Variants in CTBP2 observed in about 807,000 individuals in gnomAD.
The protein encoded by CTBP2 is C-terminal binding protein 2, also known as C-terminal-binding protein 2.
In CTBP2, 30 loss-of-function variants were observed where a neutral mutation model predicts 80.3. The observed-to-expected ratio is 0.37, with a 90% confidence interval of 0.28 to 0.51. The LOEUF (loss-of-function observed/expected upper bound fraction) is 0.51, where lower values mean the gene tolerates loss of function less well. CTBP2 is among the 20% of genes least tolerant of loss of function. The pLI, the probability that CTBP2 is intolerant of heterozygous loss-of-function variation, is 0.93. For synonymous variants in CTBP2, 594 were observed against 587.4 expected (o/e 1.01, Z -0.16); for missense variants, 1,212 against 1,375.3 (o/e 0.88, Z 1.88).
intron 1 of CTBP2, among the ~76,000 whole-genome samples, chr10:125,137,137 G>A (rs899722579): frequency 3.3e-5 from 5 of 152,122 alleles, no homozygotes; most frequent in African/African-American, 9.7e-5. Context: ...ATCACAATTC[G>A]CCAAGATACT....
chr10:125,000,128 C>A (rs1316562209), intron 3 of CTBP2: 2 of 152,334 alleles, frequency 1.3e-5, no homozygotes, highest in Non-Finnish European at 2.9e-5. Context: ...CGTGGTTCCA[C>A]TGCTCACCGG....
At chr10:125,100,252 G>GA (rs972157838) in intron 2 of CTBP2, among the ~76,000 whole-genome samples, 14 of 152,162 alleles carry the variant, frequency 9.2e-5, no homozygotes, top group African/African-American at 3.4e-4. Context: ...AGACAACAGT[G>GA]AAAAAAATGG....
At chr10:124,992,674 A>G (rs769009810) in intron 8 of CTBP2, 21 bp downstream of exon 10, 4 of 1,574,496 alleles carry the variant, frequency 2.5e-6, no homozygotes, top group Non-Finnish European at 3.5e-6. Context: ...AAGCTGAGAC[A>G]AAGTCAGTTC....
In CTBP2 at chr10:124,988,347, CT is replaced by C. The variant is rs1197490018; in HGVS notation, c.*1170del. 6.6e-6 allele frequency: 1 copy of C among 152,586 alleles called. No homozygotes were observed. The highest frequency in any genetic ancestry group is 1.5e-5 in the Non-Finnish European group (1 of 68,018). The allele number at this position is 152,586 out of a possible 1,614,324, so 9.5% of individuals were successfully genotyped here. On this transcript the variant is annotated 3_prime_UTR_variant, in exon 9 of 9. Transcript: ENST00000309035. ...TTCAGAACTTAACAAATTTTAATTA[CT>C]TTTTATTGAAAACTGCACTGAACGC...
At chr10:125,074,511 C>T (rs533208583) in intron 2 of CTBP2, among the ~76,000 whole-genome samples, 21 of 152,312 alleles carry the variant, frequency 1.4e-4, no homozygotes, top group African/African-American at 4.8e-4. Context: ...CCCGCCATCA[C>T]ACCCAGCAAT....
intron 6 of CTBP2, among the ~76,000 whole-genome samples, 193 bp from the exon 9 acceptor site, chr10:124,993,522 A>G (rs1264130835): frequency 1.3e-5 from 2 of 152,188 alleles, no homozygotes; most frequent in Admixed American, 6.5e-5. Flanking sequence ...TAAGAACCGT[A>G]TAATTGGTAG....
intron 1 of CTBP2, among the ~76,000 whole-genome samples, chr10:125,152,037 C>T (rs2133421336): frequency 6.6e-6 from 1 of 152,226 alleles, no homozygotes; most frequent in East Asian, 1.9e-4. Context: ...GTGTCAGATA[C>T]CGCGGCCCGC....
At position 125,028,049 on chromosome 10, in the gene CTBP2, C is replaced by A. The variant is rs1957835437; in HGVS notation, c.-290G>T. The A allele has an allele frequency of 6.9e-6, 4 of 576,542 alleles. No individual in the cohort carries two copies. The highest frequency in any genetic ancestry group is 1.0e-5 in the Non-Finnish European group (4 of 398,830). The allele number at this position is 576,542 out of a possible 1,614,324, so 35.7% of individuals were successfully genotyped here. Reference sequence around the variant, plus strand: ...GGAGGCTGTCCCCAGCCTGCCAGGTCCCCCTTCCTGGCTGGTGTGCTCACA... The same window carrying A: ...GGAGGCTGTCCCCAGCCTGCCAGGTACCCCTTCCTGGCTGGTGTGCTCACA... On this transcript the variant is annotated 5_prime_UTR_variant, in exon 1 of 9. Transcript: ENST00000309035.
chr10:125,161,920 A>G (rs57592469), upstream of CTBP2, among the ~76,000 whole-genome samples: 71,137 of 151,912 alleles, frequency 0.47, 17,396 homozygotes, highest in African/African-American at 0.6. Context: ...CGAGCCTGGG[A>G]ATCCAGGCCC....
At chr10:125,148,059 G>C (rs116498348) in intron 1 of CTBP2, among the ~76,000 whole-genome samples, 59 of 152,310 alleles carry the variant, frequency 3.9e-4, no homozygotes, top group African/African-American at 1.4e-3. Context: ...CAGTGTGGGA[G>C]AGAAGTCCAG....
At chr10:125,125,300 A>G (rs1186350949) in intron 1 of CTBP2, among the ~76,000 whole-genome samples, 1 of 152,248 alleles carries the variant, frequency 6.6e-6, no homozygotes, top group East Asian at 1.9e-4. Context: ...AGTAGCAAAC[A>G]CCATGCTATA....
chr10:125,136,514 G>A (rs1856995383), intron 1 of CTBP2, among the ~76,000 whole-genome samples: 1 of 152,228 alleles, frequency 6.6e-6, no homozygotes, highest in Non-Finnish European at 1.5e-5. Context: ...TTGAGTTGAA[G>A]AAAGGCCCTC....
rs1857794125 is a variant in CTBP2 at position 125,141,413 on chromosome 10, C to T, written c.-206+18906G>A. ...CTACCCTCGGGGCCGGCACCAGCCTCGGGGCAGCTGACCTTCCCCACCTCA... is the reference window on the plus strand; with the variant it reads ...CTACCCTCGGGGCCGGCACCAGCCTTGGGGCAGCTGACCTTCCCCACCTCA... On this transcript the variant is annotated intron_variant, in intron 1 of 10. Transcript: ENST00000337195. 3.3e-5 allele frequency among the ~76,000 whole-genome samples: 5 copies of T among 152,182 alleles called. No homozygotes were observed. The South Asian group carries it at 6.2e-4, about 19-fold the overall frequency.
At chr10:125,038,706 T>C (rs774772626) in intron 3 of CTBP2, among the ~76,000 whole-genome samples, 1 of 152,168 alleles carries the variant, frequency 6.6e-6, no homozygotes, top group Non-Finnish European at 1.5e-5. Context: ...AACACCATCT[T>C]TTATATGCAA....
chr10:125,074,110 T>C (rs1845928786), intron 2 of CTBP2, among the ~76,000 whole-genome samples: 1 of 152,222 alleles, frequency 6.6e-6, no homozygotes, highest in Non-Finnish European at 1.5e-5. Context: ...GCCTGGCCTC[T>C]ACCCTCTAGA....
intron 3 of CTBP2, chr10:124,998,517 C>G (rs1371499825): frequency 5.4e-6 from 2 of 371,114 alleles, no homozygotes; most frequent in African/African-American, 4.1e-5. Flanking sequence ...AGCCAGTGGG[C>G]CTCAGACCAG....
intron 1 of CTBP2, among the ~76,000 whole-genome samples, chr10:125,017,454 T>C (rs1177054068): frequency 1.3e-5 from 2 of 152,320 alleles, no homozygotes; most frequent in Non-Finnish European, 2.9e-5. Context: ...TTCCCACCTA[T>C]CCTTGTGTAC....
chr10:125,014,129 A>T (rs4962722), intron 1 of CTBP2, among the ~76,000 whole-genome samples: 55,088 of 151,996 alleles, frequency 0.36, 10,158 homozygotes, highest in Admixed American at 0.43. Context: ...TCCAAGCAAG[A>T]CCGAGACGCC....
chr10:125,123,312 A>G (rs1483473968), intron 1 of CTBP2, among the ~76,000 whole-genome samples: 1 of 152,158 alleles, frequency 6.6e-6, no homozygotes, highest in African/African-American at 2.4e-5. Flanking sequence ...TGCATGTTAC[A>G]CTAGGGATTT....
Sources: gnomAD v4.1 joint callset for allele counts (sites outside exome capture counted in the v4.1 genomes callset) on GRCh38, gnomAD v4.1.1 for gene constraint, MANE v1.5 for transcripts, NCBI Gene and HGNC (gene_info 2026-07-23, HGNC 2026-07-21) for gene names.